Variants in COL25A1 observed in about 807,000 individuals in gnomAD.
The protein encoded by COL25A1 is collagen type XXV alpha 1 chain.
In COL25A1, 103 loss-of-function variants were observed where a neutral mutation model predicts 128.4. That is an observed-to-expected ratio of 0.80 (90% CI 0.68 to 0.94). COL25A1 has a LOEUF of 0.94. Ranked by LOEUF, COL25A1 falls within the 40% of genes least tolerant of loss-of-function variation. The pLI, the probability that COL25A1 is intolerant of heterozygous loss-of-function variation, is 0.00. For synonymous variants in COL25A1, 279 were observed against 277.2 expected (o/e 1.01, Z -0.06); for missense variants, 745 against 840.0 (o/e 0.89, Z 1.40).
chr4:109,054,810 C>T (rs772203007), intron 3 of COL25A1, among the ~76,000 whole-genome samples: 11 of 152,072 alleles, frequency 7.2e-5, no homozygotes, highest in Admixed American at 3.3e-4. Context: ...ATGGAGCAGC[C>T]CTCTTGATGG....
Position 108,913,261 on chromosome 4 carries a change from C to CTTTTTTTTTTTTTTTTTTTTTTTTTTTT in COL25A1, c.780+4910_780+4911insAAAAAAAAAAAAAAAAAAAAAAAAAAAA, listed in dbSNP as rs201929872. 4.3e-5 allele frequency among the ~76,000 whole-genome samples: 4 copies of CTTTTTTTTTTTTTTTTTTTTTTTTTTTT among 92,396 alleles called. 1 individual carries two copies. The Admixed American group carries it at 4.5e-4, about 10-fold the overall frequency. The allele number at this position is 92,396 out of a possible 152,430, so 60.6% of individuals were successfully genotyped here. On this transcript the variant is annotated intron_variant, in intron 13 of 37. Transcript: ENST00000399132. ...TTTGTGTGGTCTCTGTCTCTAGCTC[C>CTTTTTTTTTTTTTTTTTTTTTTTTTTTT]TTTTTTTTTTTTTTTTTTTTTTAAG...
chr4:109,158,590 T>G lies in COL25A1; in HGVS notation c.368-108411A>C, dbSNP rs146951615. ...CAGGGATAAAAAGAAGACTAAGTCG[T>G]GGCCCTGCCCTCAAGACTATCCATA... On this transcript the variant is annotated intron_variant, in intron 3 of 37. Transcript: ENST00000399132. 3.3e-3 allele frequency among the ~76,000 whole-genome samples: 503 copies of G among 152,308 alleles called. 1 individual carries two copies. Among genetic ancestry groups the G allele is most frequent in the African/African-American group, 0.011 (462 of 41,566 alleles).
intron 8 of COL25A1, among the ~76,000 whole-genome samples, chr4:108,970,217 T>C (rs1013987414): frequency 9.2e-5 from 14 of 152,156 alleles, no homozygotes; most frequent in African/African-American, 3.4e-4. Context: ...AATATTTTTA[T>C]AAAGAACATT....
At chr4:109,010,555 T>C (rs1036356683) in intron 5 of COL25A1, among the ~76,000 whole-genome samples, 180 bp from the exon 6 acceptor site, 2 of 152,256 alleles carry the variant, frequency 1.3e-5, no homozygotes, top group Admixed American at 6.5e-5. Context: ...CTAGTTTTAC[T>C]TTATGCTATT....
chr4:109,195,412 G>A (rs750113967), intron 3 of COL25A1, among the ~76,000 whole-genome samples: 18 of 152,058 alleles, frequency 1.2e-4, no homozygotes, highest in Non-Finnish European at 2.2e-4. Flanking sequence ...ACTTTATATC[G>A]ACTTATCTTA....
chr4:109,265,521 G>A (rs1195933421), intron 3 of COL25A1, among the ~76,000 whole-genome samples: 1 of 48,494 alleles, frequency 2.1e-5, no homozygotes, highest in African/African-American at 2.3e-4. Context: ...AACAGTACGT[G>A]TGTGTGTGTG....
At chr4:109,208,966 T>C (rs533092844) in intron 3 of COL25A1, among the ~76,000 whole-genome samples, 2 of 152,324 alleles carry the variant, frequency 1.3e-5, no homozygotes, top group Admixed American at 6.5e-5. Context: ...TAATAAACAG[T>C]AGATAATTGA....
At chr4:109,045,948 T>C (rs943633101) in intron 5 of COL25A1, among the ~76,000 whole-genome samples, 2 of 152,192 alleles carry the variant, frequency 1.3e-5, no homozygotes, top group Admixed American at 1.3e-4. Context: ...GTGATTATTT[T>C]AATCAAGGAA....
At chr4:108,946,732 A>G (rs1294855585) in intron 8 of COL25A1, among the ~76,000 whole-genome samples, 2 of 152,122 alleles carry the variant, frequency 1.3e-5, no homozygotes, top group Non-Finnish European at 2.9e-5. Context: ...TAAAATGTGC[A>G]CTAGACACAT....
At chr4:108,961,073 T>C (rs1750627619) in intron 8 of COL25A1, among the ~76,000 whole-genome samples, 1 of 152,190 alleles carries the variant, frequency 6.6e-6, no homozygotes, top group Non-Finnish European at 1.5e-5. Flanking sequence ...CTAAGGAAGA[T>C]ATATCAAGTT....
intron 16 of COL25A1, among the ~76,000 whole-genome samples, chr4:108,891,487 G>A (rs1449812734): frequency 6.6e-6 from 1 of 152,094 alleles, no homozygotes; most frequent in Non-Finnish European, 1.5e-5. Context: ...AAAGCCATCA[G>A]TACCAATGAA....
At chr4:109,150,524 A>G (rs1160270600) in intron 3 of COL25A1, among the ~76,000 whole-genome samples, 1 of 152,168 alleles carries the variant, frequency 6.6e-6, no homozygotes, top group African/African-American at 2.4e-5. Context: ...AGATGTGGTG[A>G]AAAGTTTCTT....
rs187509354 is a variant in COL25A1, at chr4:109,094,691, T to C, written c.368-44512A>G. Among the ~76,000 whole-genome samples the C allele has an allele frequency of 1.4e-3, 212 of 152,322 alleles. 1 individual carries two copies. The highest frequency in any genetic ancestry group is 4.6e-3 in the African/African-American group (192 of 41,584). ...TCACACAGCATTAAGATACTACATTTTGGCAATACACTTCATTCCACATGT... is the reference window on the plus strand; with the variant it reads ...TCACACAGCATTAAGATACTACATTCTGGCAATACACTTCATTCCACATGT... On this transcript the variant is annotated intron_variant, in intron 3 of 37. Coordinates refer to ENST00000399132, the MANE Select transcript of COL25A1 (RefSeq NM_198721.4).
chr4:109,032,015 A>G (rs1271830968), intron 5 of COL25A1, among the ~76,000 whole-genome samples: 2 of 152,118 alleles, frequency 1.3e-5, no homozygotes, highest in African/African-American at 4.8e-5. Flanking sequence ...CTTCTATTAA[A>G]CTGCATGCTC....
chr4:108,885,557 G>T (rs1740675696), intron 18 of COL25A1, among the ~76,000 whole-genome samples: 1 of 152,142 alleles, frequency 6.6e-6, no homozygotes, highest in Non-Finnish European at 1.5e-5. Flanking sequence ...TGTCCAAGTA[G>T]ATTAAATTTC....
intron 3 of COL25A1, among the ~76,000 whole-genome samples, chr4:109,267,291 G>C (rs1328722983): frequency 6.6e-6 from 1 of 152,030 alleles, no homozygotes; most frequent in Non-Finnish European, 1.5e-5. Context: ...AATTTAGAAA[G>C]CCCAATAAAT....
At chr4:109,186,145 G>C (rs1172914620) in intron 3 of COL25A1, among the ~76,000 whole-genome samples, 1 of 151,538 alleles carries the variant, frequency 6.6e-6, no homozygotes, top group African/African-American at 2.4e-5. Flanking sequence ...TGAGATGAAA[G>C]AGAAGCACGT....
At chr4:109,052,084 T>C (rs934464373) in intron 3 of COL25A1, among the ~76,000 whole-genome samples, 2 of 152,182 alleles carry the variant, frequency 1.3e-5, no homozygotes, top group Admixed American at 6.6e-5. Context: ...GGAAGTAGCT[T>C]ATTTGCCATT....
At chr4:108,969,402 C>G (rs2125983100) in intron 8 of COL25A1, among the ~76,000 whole-genome samples, 1 of 152,294 alleles carries the variant, frequency 6.6e-6, no homozygotes, top group Middle Eastern at 3.4e-3. Context: ...TTCCTGCAAT[C>G]ATGAGACAAG....
Sources: allele counts gnomAD v4.1 joint callset (sites outside exome capture counted in the v4.1 genomes callset), GRCh38; gene constraint gnomAD v4.1.1; transcripts MANE v1.5; gene names NCBI Gene and HGNC (gene_info 2026-07-23, HGNC 2026-07-21).